The following RANBP2 variants were observed in gnomAD, a reference collection of about 807,000 sequenced individuals.
RANBP2 encodes the protein RAN binding protein 2, also known as E3 SUMO-protein ligase RanBP2.
In RANBP2, 57 loss-of-function variants were observed where a neutral mutation model predicts 303.6. The ratio of observed to expected loss-of-function variants is 0.19; its 90% confidence interval spans 0.15 to 0.23. The LOEUF (loss-of-function observed/expected upper bound fraction) is 0.23, where lower values mean the gene tolerates loss of function less well. Among genes scored for constraint, RANBP2 ranks in the 10% least tolerant of loss-of-function variants. RANBP2 has a pLI of 1.00. For synonymous variants in RANBP2, 1,167 were observed against 1,301.5 expected, an observed-to-expected ratio of 0.90 and a Z score of 2.23; for missense variants, 3,138 against 3,780.8, an observed-to-expected ratio of 0.83 and a Z score of 4.46.
At chr2:108,723,283 C>CTT (rs796995748) in intron 1 of RANBP2, among the ~76,000 whole-genome samples, 37 of 142,032 alleles carry the variant, frequency 2.6e-4, no homozygotes, top group Admixed American at 7.8e-4. Context: ...ATTTTCTTTT[C>CTT]TTTTTTTTTT....
At chr2:108,962,488 A>G in the RANBP2 span, among the ~76,000 whole-genome samples, 1 of 151,986 alleles carries the variant, frequency 6.6e-6, no homozygotes, top group Admixed American at 6.6e-5. Flanking sequence ...CCTGGCGAAC[A>G]CAGTGAAACC....
the RANBP2 span, chr2:109,545,658 G>C: frequency 1.2e-5 from 18 of 1,488,858 alleles, no homozygotes; most frequent in Non-Finnish European, 1.3e-5. Context: ...CCCAACAAAG[G>C]GCACAGCTTT....
At chr2:109,009,433 C>A in the RANBP2 span, among the ~76,000 whole-genome samples, 3 of 152,052 alleles carry the variant, frequency 2.0e-5, no homozygotes, top group Middle Eastern at 0.01. Flanking sequence ...AAAATTTGGC[C>A]AATATGGAAT....
chr2:109,133,575 AT>A, the RANBP2 span, among the ~76,000 whole-genome samples: 8,819 of 152,226 alleles, frequency 0.058, 321 homozygotes, highest in East Asian at 0.12. Flanking sequence ...GAAGACTAAG[AT>A]TTTCAAAGGA....
chr2:108,724,266 G>A lies in RANBP2; in HGVS notation c.72+4588G>A, dbSNP rs537605013. ...CAACTTCCGCCTCCCGGGTTCAAGC[G>A]ATTCTCCTGCCTCAGCCTCCTGAGT... On this transcript the variant is annotated intron_variant, in intron 1 of 28. Coordinates refer to ENST00000283195, the MANE Select transcript of RANBP2 (RefSeq NM_006267.5). Among the ~76,000 whole-genome samples, 160 of 152,228 alleles carry A rather than the reference G, an allele frequency of 1.1e-3. 2 individuals are homozygous for A. The South Asian group carries it at 0.031, about 29-fold the overall frequency.
chr2:109,129,352 TCCCCGCCACG>T, the RANBP2 span: 2 of 871,224 alleles, frequency 2.3e-6, no homozygotes, highest in East Asian at 3.3e-5. Context: ...CGCAGGCCGG[TCCCCGCCACG>T]CAGGCCGGTC....
chr2:108,864,737 T>C, the RANBP2 span, among the ~76,000 whole-genome samples: 1 of 146,282 alleles, frequency 6.8e-6, no homozygotes, highest in Non-Finnish European at 1.5e-5. Flanking sequence ...GAGGTTGCAG[T>C]GAGTTGAGAG....
the RANBP2 span, among the ~76,000 whole-genome samples, chr2:109,325,964 G>C: frequency 2.6e-5 from 4 of 152,310 alleles, no homozygotes; most frequent in East Asian, 7.7e-4. Flanking sequence ...ACTGTGAACC[G>C]TAACGTATAT....
At chr2:109,108,018 G>A in the RANBP2 span, among the ~76,000 whole-genome samples, 1 of 152,232 alleles carries the variant, frequency 6.6e-6, no homozygotes, top group South Asian at 2.1e-4. Flanking sequence ...CCATTCTCCT[G>A]CCTCAGCCTC....
At chr2:109,513,934 A>G in the RANBP2 span, among the ~76,000 whole-genome samples, 1 of 152,164 alleles carries the variant, frequency 6.6e-6, no homozygotes, top group African/African-American at 2.4e-5. Flanking sequence ...AAATCCTAGA[A>G]GAGCAAGCAG....
At chr2:109,253,031 T>TC in the RANBP2 span, among the ~76,000 whole-genome samples, 1 of 149,252 alleles carries the variant, frequency 6.7e-6, no homozygotes, top group African/African-American at 2.4e-5. Context: ...TTTTTTTTTC[T>TC]TTTTTTTTAT....
At chr2:109,634,618 G>A in the RANBP2 span, among the ~76,000 whole-genome samples, 11 of 152,218 alleles carry the variant, frequency 7.2e-5, no homozygotes, top group Admixed American at 2.6e-4. Flanking sequence ...GGCTGATAAA[G>A]TAATCCCAGA....
At chr2:109,478,002 C>T in the RANBP2 span, among the ~76,000 whole-genome samples, 69,900 of 151,628 alleles carry the variant, frequency 0.46, 17,916 homozygotes, top group Non-Finnish European at 0.56. Flanking sequence ...CTCCCCACTG[C>T]TCATGAAATA....
At chr2:109,255,869 C>G in the RANBP2 span, among the ~76,000 whole-genome samples, 5 of 152,174 alleles carry the variant, frequency 3.3e-5, no homozygotes, top group Admixed American at 1.3e-4. Flanking sequence ...AATTAGTTTT[C>G]CTTTTTGCCC....
the RANBP2 span, among the ~76,000 whole-genome samples, chr2:109,677,816 G>T: frequency 6.6e-6 from 1 of 152,214 alleles, no homozygotes; most frequent in Admixed American, 6.5e-5. Flanking sequence ...CTGTTGAGAT[G>T]ATACAGTTTT....
chr2:108,738,510 C>T (rs1695811079), intron 6 of RANBP2, among the ~76,000 whole-genome samples: 1 of 152,218 alleles, frequency 6.6e-6, no homozygotes, highest in Admixed American at 6.5e-5. Flanking sequence ...CAGGTCTGAG[C>T]CACTGCACCC....
At chr2:109,124,912 T>C in the RANBP2 span, among the ~76,000 whole-genome samples, 4 of 152,226 alleles carry the variant, frequency 2.6e-5, no homozygotes, top group African/African-American at 7.2e-5. Context: ...TTGTCTCATA[T>C]AGAGGGGCTT....
At chr2:108,750,265 C>G (rs1675765932) in intron 9 of RANBP2, among the ~76,000 whole-genome samples, 3 of 152,254 alleles carry the variant, frequency 2.0e-5, no homozygotes, top group South Asian at 2.1e-4. Flanking sequence ...CCCACAGTCT[C>G]TGTATTAAAA....
At chr2:109,514,842 G>C in the RANBP2 span, among the ~76,000 whole-genome samples, 1 of 152,250 alleles carries the variant, frequency 6.6e-6, no homozygotes, top group Admixed American at 6.5e-5. Context: ...TGGGCACGGC[G>C]GTCACTTTCT....
Sources: allele counts gnomAD v4.1 joint callset (sites outside exome capture counted in the v4.1 genomes callset), GRCh38; gene constraint gnomAD v4.1.1; transcripts MANE v1.5; gene names NCBI Gene and HGNC (gene_info 2026-07-23, HGNC 2026-07-21).